Variants in DDX42 observed in about 807,000 individuals in gnomAD.
DDX42 encodes the protein ATP-dependent RNA helicase DDX42.
A neutral mutation model predicts 101.5 loss-of-function variants in DDX42; 22 were observed. The observed-to-expected ratio is 0.22, with a 90% CI of 0.15 to 0.31. The LOEUF (loss-of-function observed/expected upper bound fraction) is 0.31. Ranked by LOEUF, DDX42 falls within the 10% of genes least tolerant of loss-of-function variation. The probability of loss-of-function intolerance (pLI) is 1.00; values close to 1 mark genes in which losing one functional copy is unlikely to be tolerated. For missense variants in DDX42, 849 were observed against 1,199.9 expected, an observed-to-expected ratio of 0.71 and a Z score of 4.32; for synonymous variants, 402 against 401.2, an observed-to-expected ratio of 1.00 and a Z score of -0.02.
In DDX42 at chr17:63,819,207, T is replaced by C. The variant is rs1041407569; in HGVS notation, c.*809T>C. 1.3e-5 allele frequency: 2 copies of C among 152,678 alleles called. No individual in the cohort carries two copies. The highest frequency in any genetic ancestry group is 6.5e-5 in the Admixed American group (1 of 15,280). 9.5% of individuals were successfully genotyped at this position (152,678 alleles called of 1,614,324 possible). On this transcript the variant is annotated 3_prime_UTR_variant, in exon 18 of 18. Transcript: ENST00000389924. ...ATTTTGATGATTTTTGTTTATCGTT[T>C]ATAAAAAGGAAAAGAAATATACAAA... is the stretch of plus-strand genomic sequence containing the variant.
intron 1 of DDX42, among the ~76,000 whole-genome samples, chr17:63,785,487 T>A (rs1007979751): frequency 6.6e-6 from 1 of 150,764 alleles, no homozygotes; most frequent in Non-Finnish European, 1.5e-5. Flanking sequence ...TTGGGCCAGG[T>A]GCAGTGGCTC....
chr17:63,778,677 G>C (rs1370171793), intron 1 of DDX42, among the ~76,000 whole-genome samples: 3 of 151,318 alleles, frequency 2.0e-5, no homozygotes. Flanking sequence ...ATCTCGCTCT[G>C]TTATCCAGGC....
At chr17:63,811,265 A>C in intron 13 of DDX42, 92 bp downstream of exon 13, 1 of 997,638 alleles carries the variant, frequency 1.0e-6, no homozygotes, top group Non-Finnish European at 1.5e-6. Flanking sequence ...AGATAAAAAA[A>C]AAAGATGTTA....
At chr17:63,796,013 T>G (rs2039688500) in intron 3 of DDX42, among the ~76,000 whole-genome samples, 1 of 152,200 alleles carries the variant, frequency 6.6e-6, no homozygotes, top group Non-Finnish European at 1.5e-5. Context: ...AGTAGGTATT[T>G]AGTTAATATG....
In DDX42 at chr17:63,806,459, A is replaced by G. The variant is rs983691321; in HGVS notation, c.727-76A>G. On this transcript the variant is annotated intron_variant, in intron 7 of 17. Coordinates refer to ENST00000389924, the MANE Select transcript of DDX42 (RefSeq NM_203499.3). ...ATACTCCAGCTAAAATGCTAGATCC[A>G]GGTAAGTATTGTTGAACTTCAAATG... 70 of 1,453,902 alleles carry G rather than the reference A, an allele frequency of 4.8e-5. No homozygotes were observed. In the African/African-American group the frequency reaches 5.2e-4, roughly 11 times the overall value. 90.1% of individuals were successfully genotyped at this position (1,453,902 alleles called of 1,614,324 possible). A position where few individuals can be genotyped will look rare whatever the true frequency, so the allele number is the denominator to read the frequency against.
intron 1 of DDX42, among the ~76,000 whole-genome samples, chr17:63,781,218 T>C (rs2039484013): frequency 6.6e-6 from 1 of 152,130 alleles, no homozygotes; most frequent in African/African-American, 2.4e-5. Flanking sequence ...ATTTTAGTTC[T>C]TTTTGTTTTG....
chr17:63,816,830 T>G, intron 16 of DDX42, 38 bp from the exon 17 acceptor site: 2 of 1,570,404 alleles, frequency 1.3e-6, no homozygotes, highest in Non-Finnish European at 8.7e-7. Flanking sequence ...GCTTTCCTGC[T>G]TATTTTTTCA....
rs370016587 is a variant in DDX42, at chr17:63,817,719, C to G, written c.2138C>G (p.Ala713Gly). ...TCACAGTACAAGAGTCACTTTGTTGCAGCCAGTTTAAGTAATCAGAAGGCT... is the reference window on the plus strand; with the variant it reads ...TCACAGTACAAGAGTCACTTTGTTGGAGCCAGTTTAAGTAATCAGAAGGCT... ...FQSQYKSHFV[A>G]ASLSNQKAGS... Residue 713 changes from alanine (A) to glycine (G), a missense_variant, in exon 18 of 18, where the codon GCA becomes GGA. Physicochemically the swap from Ala to Gly is moderately conservative, Grantham distance 60. This residue lies in a region of DDX42 where 86 missense variants were observed against 160.8 expected (regional missense o/e 0.53). Transcript: ENST00000389924. 1 of 1,614,060 alleles carries G rather than the reference C, an allele frequency of 6.2e-7. No homozygotes were observed. Among genetic ancestry groups the G allele is most frequent in the Non-Finnish European group, 8.5e-7 (1 of 1,180,034 alleles).
Position 63,775,155 on chromosome 17 carries a change from A to G in DDX42, c.-17+779A>G, listed in dbSNP as rs1469398217. 3 of 152,670 alleles carry G rather than the reference A, an allele frequency of 2.0e-5. No homozygotes were observed. The East Asian group carries it at 5.8e-4, about 29-fold the overall frequency. The allele number at this position is 152,670 out of a possible 1,614,324, so 9.5% of individuals were successfully genotyped here. A position where few individuals can be genotyped will look rare whatever the true frequency, so the allele number is the denominator to read the frequency against. On this transcript the variant is annotated intron_variant, in intron 1 of 17. Coordinates refer to ENST00000389924, the MANE Select transcript of DDX42 (RefSeq NM_203499.3). ...ATGTCTTAAGGCGCTTTGCAGAGCC[A>G]AGCTCATTTCTGGCACATAAGAGGT...
chr17:63,818,558 T>C lies in DDX42; in HGVS notation c.*160T>C. On this transcript the variant is annotated 3_prime_UTR_variant, in exon 18 of 18. Coordinates refer to ENST00000389924, the MANE Select transcript of DDX42 (RefSeq NM_203499.3). ...CATTACCCCTTCATCAGAAGGAATT[T>C]TCGGATGTTTTCTTGGGAAGCTGTT... 1.5e-6 allele frequency: 1 copy of C among 666,176 alleles called. No individual in the cohort carries two copies. Among genetic ancestry groups the C allele is most frequent in the Non-Finnish European group, 2.5e-6 (1 of 407,634 alleles). 41.3% of individuals were successfully genotyped at this position (666,176 alleles called of 1,614,324 possible). A position where few individuals can be genotyped will look rare whatever the true frequency, so the allele number is the denominator to read the frequency against.
intron 11 of DDX42, 42 bp from the exon 12 acceptor site, chr17:63,810,469 CTG>C (rs1214962564): frequency 6.3e-7 from 1 of 1,598,664 alleles, no homozygotes; most frequent in Non-Finnish European, 8.6e-7. Flanking sequence ...GCTTCCCAAA[CTG>C]TATTTCAGGT....
At chr17:63,780,774 T>C (rs1169020327) in intron 1 of DDX42, among the ~76,000 whole-genome samples, 1 of 152,292 alleles carries the variant, frequency 6.6e-6, no homozygotes, top group South Asian at 2.1e-4. Flanking sequence ...GATTTGCTGC[T>C]TTTGTAATAT....
intron 12 of DDX42, among the ~76,000 whole-genome samples, chr17:63,810,763 A>G (rs2039900151): frequency 6.6e-6 from 1 of 152,244 alleles, no homozygotes; most frequent in Non-Finnish European, 1.5e-5. Flanking sequence ...GATAAAACCA[A>G]GGATCAGAAA....
intron 16 of DDX42, chr17:63,815,905 A>C: frequency 3.9e-6 from 1 of 256,578 alleles, no homozygotes; most frequent in South Asian, 8.1e-5. Context: ...AAATTATTCT[A>C]GATTAGCAGT....
At chr17:63,789,050 A>G (rs1176084913) in intron 2 of DDX42, among the ~76,000 whole-genome samples, 1 of 151,884 alleles carries the variant, frequency 6.6e-6, no homozygotes, top group African/African-American at 2.4e-5. Context: ...CCATAGGCAC[A>G]TGCCACCATA....
chr17:63,785,495 C>T (rs1410049169), intron 1 of DDX42, among the ~76,000 whole-genome samples: 1 of 147,484 alleles, frequency 6.8e-6, no homozygotes, highest in Admixed American at 6.8e-5. Context: ...GGTGCAGTGG[C>T]TCATGCCTGT....
Position 63,815,620 on chromosome 17 carries a change from G to A in DDX42, c.1960G>A (p.Gly654Ser). 1.2e-6 allele frequency: 2 copies of A among 1,614,018 alleles called. No homozygotes were observed. The highest frequency in any genetic ancestry group is 1.7e-6 in the Non-Finnish European group (2 of 1,179,962). ...KGGKGKKLNI[G>S]GGGLGYRERP... is the part of the protein sequence containing the mutation. ...AGGGAAAGGAAAAAAGCTGAACATTGGTGGAGGAGGCCTAGGCTACAGGGA... is the reference window on the plus strand; with the variant it reads ...AGGGAAAGGAAAAAAGCTGAACATTAGTGGAGGAGGCCTAGGCTACAGGGA... Residue 654 changes from glycine (G) to serine (S), a missense_variant, in exon 16 of 18, where the codon GGT (glycine) becomes AGT (serine). By Grantham distance (56) the Gly-to-Ser change is moderately conservative (BLOSUM62 0). Coordinates refer to ENST00000389924, the MANE Select transcript of DDX42 (RefSeq NM_203499.3).
rs755934222 is a variant in DDX42, at chr17:63,811,902, C to T, written c.1399-30C>T. ...CAGGTGCCCTGTGGCTCCAATGTCA[C>T]AATCATCTGTTTCATTTCTTCCTTC... On this transcript the variant is annotated intron_variant, in intron 13 of 17. Coordinates refer to ENST00000389924, the MANE Select transcript of DDX42 (RefSeq NM_203499.3). 7 of 1,613,980 alleles carry T rather than the reference C, an allele frequency of 4.3e-6. No homozygotes were observed. The African/African-American group carries it at 5.3e-5, about 12-fold the overall frequency.
chr17:63,810,488 A>C, intron 11 of DDX42, 25 bp from the exon 12 acceptor site: 1 of 1,612,270 alleles, frequency 6.2e-7, no homozygotes, highest in South Asian at 1.1e-5. Context: ...AGGTTATAAT[A>C]ATTTTATTGT....
Sources: allele counts gnomAD v4.1 joint callset (sites outside exome capture counted in the v4.1 genomes callset), GRCh38; gene constraint gnomAD v4.1.1; regional missense constraint gnomAD v4.1.1; transcripts MANE v1.5; gene names NCBI Gene and HGNC (gene_info 2026-07-23, HGNC 2026-07-21).